Variants in CACNA1C observed in about 807,000 individuals in gnomAD.
CACNA1C encodes the protein voltage-dependent L-type calcium channel subunit alpha-1C.
CACNA1C carries 30 observed loss-of-function variants against 229.0 expected under a neutral mutation model. The ratio of observed to expected loss-of-function variants is 0.13; its 90% confidence interval spans 0.10 to 0.18. CACNA1C has a LOEUF of 0.18. Ranked by LOEUF, CACNA1C falls within the 10% of genes least tolerant of loss-of-function variation. The pLI is 1.00. For synonymous variants in CACNA1C, 1,114 were observed against 1,132.5 expected (o/e 0.98, Z 0.33); for missense variants, 1,658 against 2,845.0 (o/e 0.58, Z 9.49).
intron 3 of CACNA1C, among the ~76,000 whole-genome samples, chr12:2,255,286 A>C (rs1458761062): frequency 1.3e-5 from 2 of 151,528 alleles, no homozygotes; most frequent in South Asian, 2.1e-4. Context: ...AAAAAAAAAA[A>C]CCTAGTTACT....
Position 2,493,607 on chromosome 12 carries a change from G to A in CACNA1C, c.1113+221G>A, listed in dbSNP as rs1206719732. On this transcript the variant is annotated intron_variant, in intron 7 of 46. Transcript: ENST00000399655. This position sits in a 1 kb window ranked among gnomAD's most constrained non-coding sequence, Gnocchi z 4.6. ...CCCCTCCCCCACCCGCCAGCCTTAG[G>A]GGAAGGTCATTTTTCCAGTGCGTCC... Among the ~76,000 whole-genome samples, 1 of 152,146 alleles carries A rather than the reference G, an allele frequency of 6.6e-6. No homozygotes were observed. The highest frequency in any genetic ancestry group is 2.4e-5 in the African/African-American group (1 of 41,428).
At chr12:2,447,984 T>A (rs2099316002) in intron 3 of CACNA1C, among the ~76,000 whole-genome samples, 1 of 152,254 alleles carries the variant, frequency 6.6e-6, no homozygotes, top group African/African-American at 2.4e-5. Context: ...TGGCTGAGGC[T>A]TCTGCAGAGG....
At chr12:2,439,894 G>T (rs1180404036) in intron 3 of CACNA1C, among the ~76,000 whole-genome samples, 2 of 152,128 alleles carry the variant, frequency 1.3e-5, no homozygotes, top group Admixed American at 1.3e-4. Flanking sequence ...TGTCCTGAGT[G>T]TAAGCCCAGA....
Position 2,232,248 on chromosome 12 carries a change from T to TG in CACNA1C, c.477+111818_477+111819insG, listed in dbSNP as rs1362618968. On this transcript the variant is annotated intron_variant, in intron 3 of 46. Transcript: ENST00000399655. ...CCTTGTTTTTTTTTTTTTTTTTTTTTTTTTGTTTGTTTGTTTGTTTGTTTT... is the reference window on the plus strand; with the variant it reads ...CCTTGTTTTTTTTTTTTTTTTTTTTTGTTTTGTTTGTTTGTTTGTTTGTTTT... Among the ~76,000 whole-genome samples the TG allele has an allele frequency of 4.8e-5, 7 of 145,104 alleles. No homozygotes were observed. The South Asian group carries it at 1.2e-3, about 24-fold the overall frequency.
At chr12:2,688,805 G>C (rs895616116) in intron 46 of CACNA1C, 26 bp downstream of exon 46, 1 of 1,464,652 alleles carries the variant, frequency 6.8e-7, no homozygotes, top group Admixed American at 2.4e-5. Flanking sequence ...ATGGGCAGGG[G>C]GGAGAGGCCA....
intron 34 of CACNA1C, among the ~76,000 whole-genome samples, chr12:2,657,773 A>G (rs2095497038): frequency 6.6e-6 from 1 of 152,176 alleles, no homozygotes. Context: ...TGCAAATAAA[A>G]GGATGGAAAA....
intron 3 of CACNA1C, among the ~76,000 whole-genome samples, chr12:2,407,361 A>G (rs1595463441): frequency 2.0e-5 from 2 of 99,976 alleles, no homozygotes; most frequent in East Asian, 5.5e-4. Context: ...TGCAGTGGAC[A>G]TCGTCTCCAC....
chr12:2,610,799 C>T, intron 28 of CACNA1C, 100 bp downstream of exon 28: 1 of 1,204,958 alleles, frequency 8.3e-7, no homozygotes, highest in Non-Finnish European at 1.2e-6. Flanking sequence ...GCATCGCTTT[C>T]CTGGTCACCA....
intron 3 of CACNA1C, among the ~76,000 whole-genome samples, chr12:2,251,412 T>G (rs2075564773): frequency 6.6e-6 from 1 of 152,080 alleles, no homozygotes; most frequent in African/African-American, 2.4e-5. Context: ...TAATGAAAAT[T>G]CTCCCCTGCA....
intron 10 of CACNA1C, among the ~76,000 whole-genome samples, chr12:2,554,460 C>T (rs777810398): frequency 9.9e-5 from 15 of 152,174 alleles, no homozygotes; most frequent in Non-Finnish European, 1.6e-4. Context: ...GGAAGCCTTC[C>T]GAGTGTGCTG....
chr12:2,390,951 G>A (rs1000356254), intron 3 of CACNA1C, among the ~76,000 whole-genome samples: 5 of 152,204 alleles, frequency 3.3e-5, no homozygotes, highest in Non-Finnish European at 7.3e-5. Flanking sequence ...AAGTGGAGAG[G>A]TCACCTCAGA....
At chr12:2,641,153 G>A (rs1440014108) in intron 30 of CACNA1C, among the ~76,000 whole-genome samples, 2 of 152,246 alleles carry the variant, frequency 1.3e-5, no homozygotes, top group African/African-American at 4.8e-5. Context: ...TTTGTCCAAG[G>A]ACATTAGGGT....
At chr12:2,340,240 T>C (rs970370923) in intron 3 of CACNA1C, among the ~76,000 whole-genome samples, 2 of 152,238 alleles carry the variant, frequency 1.3e-5, no homozygotes, top group Non-Finnish European at 2.9e-5. Context: ...TATATACCCC[T>C]TTTTGCAGAT....
chr12:2,357,420 T>G (rs2097404125), intron 3 of CACNA1C, among the ~76,000 whole-genome samples: 1 of 152,116 alleles, frequency 6.6e-6, no homozygotes, highest in Non-Finnish European at 1.5e-5. Flanking sequence ...TTGGGGCATG[T>G]TTTGTTTGGT....
rs116529904 is a variant in CACNA1C, at chr12:2,464,283, C to T, written c.757+6577C>T. The stretch of plus-strand genomic sequence containing the variant: ...TGTGAGCCAAGCACAAAGCTAGGTG[C>T]GGGGACAGAGGTAGATAGTGCACTC... On this transcript the variant is annotated intron_variant, in intron 5 of 46. Coordinates refer to ENST00000399655, the MANE Select transcript of CACNA1C (RefSeq NM_000719.7). 4.4e-3 allele frequency among the ~76,000 whole-genome samples: 664 copies of T among 152,194 alleles called. 5 individuals carry two copies. The highest frequency in any genetic ancestry group is 0.014 in the African/African-American group (581 of 41,520).
At chr12:1,972,509 T>C (rs913820168) in intron 1 of CACNA1C, among the ~76,000 whole-genome samples, 1 of 152,074 alleles carries the variant, frequency 6.6e-6, no homozygotes, top group Non-Finnish European at 1.5e-5. Flanking sequence ...AATAGAACCA[T>C]GAAATTTTAG....
chr12:2,649,293 T>G lies in CACNA1C; in HGVS notation c.3945+786T>G, dbSNP rs770695522. ...AGCCGCCTCCAAAAGGCTGCCGTTATGCATTTCTAACCGGGCCAAGTATGA... is the reference window on the plus strand; with the variant it reads ...AGCCGCCTCCAAAAGGCTGCCGTTAGGCATTTCTAACCGGGCCAAGTATGA... On this transcript the variant is annotated intron_variant, in intron 31 of 46. Coordinates refer to ENST00000399655, the MANE Select transcript of CACNA1C (RefSeq NM_000719.7). This position sits in a 1 kb window ranked among gnomAD's most constrained non-coding sequence, Gnocchi z 4.4. Among the ~76,000 whole-genome samples, 1 of 152,230 alleles carries G rather than the reference T, an allele frequency of 6.6e-6. No homozygotes were observed. Among genetic ancestry groups the G allele is most frequent in the African/African-American group, 2.4e-5 (1 of 41,462 alleles).
chr12:2,269,169 G>A (rs1358877797), intron 3 of CACNA1C, among the ~76,000 whole-genome samples: 2 of 152,216 alleles, frequency 1.3e-5, no homozygotes, highest in Non-Finnish European at 2.9e-5. Context: ...TGAGCAATGA[G>A]GAAAATGACT....
At position 1,970,995 on chromosome 12, in the gene CACNA1C, G is replaced by A. The variant is rs1256741229; in HGVS notation, c.-68G>A. On this transcript the variant is annotated 5_prime_UTR_variant, in exon 1 of 47. Coordinates refer to the CACNA1C transcript ENST00000682462. ...GCTTCTGGGTTTTAAAAAATTATAAGAGATCATGAGCAGGATAATTATTTA... is the reference window on the plus strand; with the variant it reads ...GCTTCTGGGTTTTAAAAAATTATAAAAGATCATGAGCAGGATAATTATTTA... The A allele has an allele frequency of 6.8e-6, 7 of 1,036,388 alleles. No individual in the cohort carries two copies. In the Admixed American group the frequency reaches 1.3e-4, roughly 19 times the overall value. 64.2% of individuals were successfully genotyped at this position (1,036,388 alleles called of 1,614,324 possible).
Sources: allele counts gnomAD v4.1 joint callset (sites outside exome capture counted in the v4.1 genomes callset), GRCh38; gene constraint gnomAD v4.1.1; non-coding constraint Gnocchi (gnomAD v3.1); transcripts MANE v1.5; gene names NCBI Gene and HGNC (gene_info 2026-07-23, HGNC 2026-07-21).